Variants in PLPPR1 observed in about 807,000 individuals in gnomAD.
PLPPR1 encodes phospholipid phosphatase-related protein type 1.
A neutral mutation model predicts 33.1 loss-of-function variants in PLPPR1; 10 were observed. That is an observed-to-expected ratio of 0.30 (90% CI 0.19 to 0.51). PLPPR1 has a LOEUF of 0.51. PLPPR1 is among the 20% of genes least tolerant of loss of function. The pLI is 0.97. For missense variants in PLPPR1, 304 were observed against 408.1 expected (o/e 0.74, Z 2.20); for synonymous variants, 151 against 151.0 (o/e 1.00, Z 0.00).
At chr9:101,044,275 C>T (rs1440535237) in intron 1 of PLPPR1, among the ~76,000 whole-genome samples, 1 of 152,192 alleles carries the variant, frequency 6.6e-6, no homozygotes, top group African/African-American at 2.4e-5. Flanking sequence ...GTATTTTGGG[C>T]AGCCCTTGCT....
At chr9:101,290,816 G>A (rs763143879) in intron 4 of PLPPR1, among the ~76,000 whole-genome samples, 8 of 152,322 alleles carry the variant, frequency 5.3e-5, no homozygotes, top group East Asian at 1.9e-4. Context: ...CAAGATGGCC[G>A]AATAGGAACA....
chr9:101,265,866 T>C (rs527836101), intron 2 of PLPPR1, among the ~76,000 whole-genome samples: 9 of 151,650 alleles, frequency 5.9e-5, no homozygotes, highest in Admixed American at 2.0e-4. Flanking sequence ...TGCGGTGGTG[T>C]GCGCCTGTAA....
intron 1 of PLPPR1, among the ~76,000 whole-genome samples, chr9:101,040,974 G>T (rs993454174): frequency 6.6e-6 from 1 of 152,154 alleles, no homozygotes; most frequent in African/African-American, 2.4e-5. Context: ...CAATCACTAG[G>T]TCTGAAACGC....
At chr9:101,293,329 C>T (rs1828555537) in intron 4 of PLPPR1, among the ~76,000 whole-genome samples, 1 of 151,834 alleles carries the variant, frequency 6.6e-6, no homozygotes. Flanking sequence ...TACAAGGAGA[C>T]TTAGACTCCC....
chr9:101,236,210 C>A (rs1415672394), intron 2 of PLPPR1, among the ~76,000 whole-genome samples: 1 of 151,750 alleles, frequency 6.6e-6, no homozygotes, highest in Non-Finnish European at 1.5e-5. Context: ...TCAAAGCAAA[C>A]TATAGCATCT....
At chr9:101,311,947 ACT>A (rs978223362) in intron 5 of PLPPR1, among the ~76,000 whole-genome samples, 1 of 152,142 alleles carries the variant, frequency 6.6e-6, no homozygotes, top group African/African-American at 2.4e-5. Context: ...TGGCTTCCTA[ACT>A]CTAAACCACC....
intron 2 of PLPPR1, among the ~76,000 whole-genome samples, chr9:101,216,131 T>G (rs1826789768): frequency 6.6e-6 from 1 of 152,236 alleles, no homozygotes; most frequent in Non-Finnish European, 1.5e-5. Flanking sequence ...TTTTTCATTT[T>G]CTCTACATCC....
intron 4 of PLPPR1, among the ~76,000 whole-genome samples, chr9:101,299,966 C>A (rs1348249795): frequency 6.6e-6 from 1 of 152,060 alleles, no homozygotes; most frequent in East Asian, 1.9e-4. Context: ...TTCCCTGGGG[C>A]AGGGTCACCC....
intron 4 of PLPPR1, among the ~76,000 whole-genome samples, chr9:101,296,167 A>G (rs1457872820): frequency 3.3e-5 from 5 of 152,152 alleles, no homozygotes; most frequent in African/African-American, 1.2e-4. Context: ...TCAAAAGAAG[A>G]CATTTATGCA....
chr9:101,290,014 T>C (rs575901154), intron 4 of PLPPR1, among the ~76,000 whole-genome samples: 1 of 152,346 alleles, frequency 6.6e-6, no homozygotes, highest in East Asian at 1.9e-4. Context: ...AAGTCTGTTC[T>C]GACTTTTCCT....
At chr9:101,073,968 T>G (rs562466982) in intron 1 of PLPPR1, among the ~76,000 whole-genome samples, 2 of 152,020 alleles carry the variant, frequency 1.3e-5, no homozygotes, top group Non-Finnish European at 2.9e-5. Flanking sequence ...AATCACAAAA[T>G]GAGAAAGGCA....
intron 7 of PLPPR1, among the ~76,000 whole-genome samples, chr9:101,323,371 C>A (rs1396790698): frequency 2.0e-5 from 3 of 148,942 alleles, no homozygotes; most frequent in Non-Finnish European, 1.5e-5. Flanking sequence ...GGCATGTGCC[C>A]AGTGTCCTAC....
intron 2 of PLPPR1, 47 bp from the exon 3 acceptor site, chr9:101,269,833 C>T (rs1412788791): frequency 3.8e-6 from 6 of 1,591,234 alleles, no homozygotes; most frequent in Admixed American, 1.7e-5. Context: ...GCAAGGGCTG[C>T]TCCGAAGCCC....
chr9:101,121,028 A>G (rs1831173460), intron 1 of PLPPR1, among the ~76,000 whole-genome samples: 2 of 152,180 alleles, frequency 1.3e-5, no homozygotes, highest in African/African-American at 2.4e-5. Context: ...TTTTAGGTAG[A>G]GGGGAAGACC....
At position 101,316,435 on chromosome 9, in the gene PLPPR1, T is replaced by A. The variant is rs371773687; in HGVS notation, c.814-930T>A. Among the ~76,000 whole-genome samples, 8 of 149,980 alleles carry A rather than the reference T, an allele frequency of 5.3e-5. No homozygotes were observed. In the South Asian group the frequency reaches 1.7e-3, roughly 32 times the overall value. ...CTGGGTGACAGAGTGAGACTCTGTC[T>A]CAAAAAAAAAGAAAAAAGAAAAAAG... On this transcript the variant is annotated intron_variant, in intron 6 of 7. Transcript: ENST00000374874.
intron 2 of PLPPR1, among the ~76,000 whole-genome samples, chr9:101,266,396 CAAAAA>C (rs546906894): frequency 1.8e-5 from 2 of 113,992 alleles, no homozygotes; most frequent in African/African-American, 6.8e-5. Flanking sequence ...ACCCTGTCTC[CAAAAA>C]AAAAAAGAAA....
chr9:101,061,925 C>T (rs1177319942), intron 1 of PLPPR1, among the ~76,000 whole-genome samples: 2 of 151,912 alleles, frequency 1.3e-5, no homozygotes, highest in Admixed American at 6.6e-5. Flanking sequence ...ATCTAGCTGG[C>T]TTGAGTCTAG....
At chr9:101,041,486 T>C (rs1257691657) in intron 1 of PLPPR1, among the ~76,000 whole-genome samples, 2 of 152,224 alleles carry the variant, frequency 1.3e-5, no homozygotes, top group Admixed American at 1.3e-4. Context: ...TATTTCTATA[T>C]ATGAACTGTT....
intron 2 of PLPPR1, among the ~76,000 whole-genome samples, chr9:101,239,504 CTAAAA>C (rs1827406971): frequency 6.6e-6 from 1 of 151,906 alleles, no homozygotes; most frequent in Non-Finnish European, 1.5e-5. Flanking sequence ...GCCCCTAAAT[CTAAAA>C]TAACAGTTGA....
Sources: allele counts gnomAD v4.1 joint callset (sites outside exome capture counted in the v4.1 genomes callset), GRCh38; gene constraint gnomAD v4.1.1; transcripts MANE v1.5; gene names NCBI Gene and HGNC (gene_info 2026-07-23, HGNC 2026-07-21).